XRN2: variants seen among roughly 807,000 people sequenced by gnomAD.
The protein encoded by XRN2 is DHM1-like protein.
A neutral mutation model predicts 138.5 loss-of-function variants in XRN2; 44 were observed. That is an observed-to-expected ratio of 0.32 (90% CI 0.25 to 0.41). The LOEUF is 0.41. XRN2 is among the 10% of genes least tolerant of loss of function. The pLI, the probability that XRN2 is intolerant of heterozygous loss-of-function variation, is 1.00. For missense variants in XRN2, 937 were observed against 1,169.3 expected, an observed-to-expected ratio of 0.80 and a Z score of 2.90; for synonymous variants, 354 against 369.4, an observed-to-expected ratio of 0.96 and a Z score of 0.48.
chr20:21,377,886 G>A (rs1170961545), intron 27 of XRN2, among the ~76,000 whole-genome samples: 1 of 152,118 alleles, frequency 6.6e-6, no homozygotes, highest in Non-Finnish European at 1.5e-5. Context: ...GCTTGACCAG[G>A]AAGGGGACCT....
intron 4 of XRN2, 71 bp from the exon 5 acceptor site, chr20:21,330,410 G>C: frequency 3.9e-6 from 6 of 1,528,682 alleles, no homozygotes; most frequent in Non-Finnish European, 5.3e-6. Context: ...TGTTTTTGTT[G>C]TTCTGGCTTA....
intron 1 of XRN2, chr20:21,303,966 TCTC>T: frequency 1.6e-6 from 1 of 616,972 alleles, no homozygotes. Context: ...GGAAAGGTTT[TCTC>T]CTAGTGTTCA....
intron 27 of XRN2, among the ~76,000 whole-genome samples, chr20:21,377,264 C>CTTTTTTTTTTTCT (rs1555788240): frequency 7.2e-5 from 6 of 82,798 alleles, no homozygotes; most frequent in East Asian, 1.1e-3. Context: ...TCGGTTTTTT[C>CTTTTTTTTTTTCT]TTTTTTTTTT....
At chr20:21,308,365 A>T (rs2037832188) in intron 1 of XRN2, among the ~76,000 whole-genome samples, 1 of 152,146 alleles carries the variant, frequency 6.6e-6, no homozygotes, top group South Asian at 2.1e-4. Flanking sequence ...TGGGGGAAAA[A>T]CATTAGGAGT....
intron 1 of XRN2, among the ~76,000 whole-genome samples, chr20:21,325,673 G>C (rs1402287490): frequency 2.0e-5 from 3 of 152,194 alleles, no homozygotes; most frequent in Non-Finnish European, 4.4e-5. Context: ...TTCAACAATA[G>C]TATGGCAGGA....
intron 27 of XRN2, among the ~76,000 whole-genome samples, chr20:21,377,381 C>T (rs1232647461): frequency 6.7e-6 from 1 of 148,722 alleles, no homozygotes; most frequent in African/African-American, 2.5e-5. Flanking sequence ...CTTAGCCTCC[C>T]AGGTAGCTGG....
chr20:21,331,825 T>C lies in XRN2; in HGVS notation c.700+7T>C. On this transcript the variant is annotated splice_region_variant and intron_variant, in intron 8 of 29. Coordinates refer to ENST00000377191, the MANE Select transcript of XRN2 (RefSeq NM_012255.5). ...TGTTTATGTGGAGCAGATGGTAAGT[T>C]TCTTCTTTGGGATTTGCTTCTTTTG... 1.2e-6 allele frequency: 2 copies of C among 1,611,532 alleles called. No homozygotes were observed. The highest frequency in any genetic ancestry group is 1.7e-6 in the Non-Finnish European group (2 of 1,179,336).
chr20:21,317,050 A>G (rs192058452), intron 1 of XRN2, among the ~76,000 whole-genome samples: 1 of 152,222 alleles, frequency 6.6e-6, no homozygotes, highest in East Asian at 1.9e-4. Flanking sequence ...TCATGTGCAA[A>G]TATAGTTTAA....
chr20:21,380,815 G>T (rs1269734874), intron 27 of XRN2, among the ~76,000 whole-genome samples: 2 of 152,206 alleles, frequency 1.3e-5, no homozygotes, highest in East Asian at 1.9e-4. Flanking sequence ...TGTGGGAGTG[G>T]GCTGTGGCAG....
At chr20:21,374,226 T>C (rs2038793679) in intron 27 of XRN2, among the ~76,000 whole-genome samples, 1 of 152,232 alleles carries the variant, frequency 6.6e-6, no homozygotes, top group Non-Finnish European at 1.5e-5. Context: ...ATATGTTCTT[T>C]GAAATCTTTT....
intron 1 of XRN2, among the ~76,000 whole-genome samples, chr20:21,313,093 C>T (rs1312200799): frequency 2.6e-5 from 4 of 152,216 alleles, no homozygotes; most frequent in African/African-American, 4.8e-5. Context: ...TCGACTGCTG[C>T]GATTGGCGGA....
At chr20:21,332,184 A>T in intron 8 of XRN2, 99 bp from the exon 9 acceptor site, 1 of 1,435,608 alleles carries the variant, frequency 7.0e-7, no homozygotes, top group Non-Finnish European at 9.3e-7. Context: ...TTGGGTGCTC[A>T]TTTGGGCTTT....
chr20:21,368,033 A>G (rs529645319), intron 26 of XRN2, among the ~76,000 whole-genome samples: 6 of 152,308 alleles, frequency 3.9e-5, no homozygotes, highest in South Asian at 2.1e-4. Context: ...AAAGTATTCT[A>G]TAGGTTTATG....
At chr20:21,330,768 A>G (rs2038197165) in intron 6 of XRN2, 63 bp downstream of exon 6, 2 of 1,425,302 alleles carry the variant, frequency 1.4e-6, no homozygotes, top group African/African-American at 1.4e-5. Context: ...GTACTTTGAT[A>G]TGACTGACAT....
intron 20 of XRN2, among the ~76,000 whole-genome samples, chr20:21,352,117 A>C (rs2038517251): frequency 6.6e-6 from 1 of 152,218 alleles, no homozygotes; most frequent in African/African-American, 2.4e-5. Context: ...ATTTTTACTT[A>C]GCTTAGTAGC....
At chr20:21,308,601 C>G (rs2037835596) in intron 1 of XRN2, among the ~76,000 whole-genome samples, 1 of 152,166 alleles carries the variant, frequency 6.6e-6, no homozygotes, top group South Asian at 2.1e-4. Context: ...CCTTCAGATG[C>G]TTATTTGCTT....
At position 21,333,937 on chromosome 20, in the gene XRN2, G is replaced by A; in HGVS notation, c.1068G>A (p.Arg356=). 1 of 1,614,054 alleles carries A rather than the reference G, an allele frequency of 6.2e-7. No individual in the cohort carries two copies. The highest frequency in any genetic ancestry group is 8.5e-7 in the Non-Finnish European group (1 of 1,179,978). ...CATAATGTTTGTCTCTTGCTGACAG[G>A]GAAAATGCAATTGACCGTTTGGTTA... is the stretch of plus-strand genomic sequence containing the variant. The part of the protein sequence containing the change: ...FLPHLPSLEI[R]ENAIDRLVNI... Residue 356 remains arginine (R), a splice_region_variant and synonymous_variant, in exon 12 of 30, where the codon AGG becomes AGA. Transcript: ENST00000377191.
At chr20:21,331,739 A>G (rs753789102) in intron 7 of XRN2, 29 bp from the exon 8 acceptor site, 30 of 1,595,356 alleles carry the variant, frequency 1.9e-5, no homozygotes, top group Non-Finnish European at 2.5e-5. Context: ...TAATATATTA[A>G]TATAAATACA....
At chr20:21,360,818 C>T (rs1304346484) in intron 24 of XRN2, among the ~76,000 whole-genome samples, 1 of 152,136 alleles carries the variant, frequency 6.6e-6, no homozygotes, top group Non-Finnish European at 1.5e-5. Context: ...TGGTGGAAAA[C>T]AGTTGGGAGG....
Sources: gnomAD v4.1 joint callset for allele counts (sites outside exome capture counted in the v4.1 genomes callset) on GRCh38, gnomAD v4.1.1 for gene constraint, MANE v1.5 for transcripts, NCBI Gene and HGNC (gene_info 2026-07-23, HGNC 2026-07-21) for gene names.